COX6A1: variants seen among roughly 807,000 people sequenced by gnomAD.
COX6A1 encodes cytochrome c oxidase subunit 6A1, mitochondrial.
Under a neutral mutation model 11.3 loss-of-function variants are expected in COX6A1, and 10 were observed. The observed-to-expected ratio is 0.88, with a 90% CI of 0.54 to 1.50. COX6A1 has a LOEUF of 1.50. COX6A1 is among the 40% of genes most tolerant of loss of function. The pLI, the probability that COX6A1 is intolerant of heterozygous loss-of-function variation, is 0.00. For synonymous variants in COX6A1, 81 were observed against 60.6 expected (o/e 1.34, Z -1.57); for missense variants, 149 against 147.6 (o/e 1.01, Z -0.05).
intron 1 of COX6A1, 29 bp from the exon 2 acceptor site, chr12:120,438,350 G>A: frequency 6.2e-7 from 1 of 1,614,140 alleles, no homozygotes; most frequent in Non-Finnish European, 8.5e-7. Context: ...GCCCCATACC[G>A]GCGCTGAACG....
chr12:120,438,924 GC>G (rs1187250183), intron 2 of COX6A1: 7 of 186,854 alleles, frequency 3.7e-5, no homozygotes, highest in Non-Finnish European at 5.6e-5. Flanking sequence ...GAACCCAGCA[GC>G]TACATGGGAG....
Position 120,440,550 on chromosome 12 carries a change from C to G in COX6A1, c.*13C>G, listed in dbSNP as rs763350351. 1 of 1,581,952 alleles carries G rather than the reference C, an allele frequency of 6.3e-7. No homozygotes were observed. The highest frequency in any genetic ancestry group is 8.7e-7 in the Non-Finnish European group (1 of 1,150,934). ...CGAAGATGAATAAAGAGAATCTGGA[C>G]CACTACCCGGGCACCAGGGACCACA... is the stretch of plus-strand genomic sequence containing the variant. On this transcript the variant is annotated 3_prime_UTR_variant, in exon 3 of 3. Transcript: ENST00000229379.
At chr12:120,438,562 C>T (rs993852017) in intron 2 of COX6A1, 41 bp downstream of exon 2, 13 of 1,613,980 alleles carry the variant, frequency 8.1e-6, no homozygotes, top group Admixed American at 3.3e-5. Flanking sequence ...GTTCTCTTTT[C>T]GTTATGTGTG....
chr12:120,438,346 T>C, intron 1 of COX6A1, 33 bp from the exon 2 acceptor site: 1 of 1,614,182 alleles, frequency 6.2e-7, no homozygotes, highest in African/African-American at 1.3e-5. Flanking sequence ...GCCCGCCCCA[T>C]ACCGGCGCTG....
chr12:120,438,539 T>A lies in COX6A1; in HGVS notation c.246+18T>A. 6.2e-7 allele frequency: 1 copy of A among 1,614,194 alleles called. No homozygotes were observed. The highest frequency in any genetic ancestry group is 8.5e-7 in the Non-Finnish European group (1 of 1,180,016). Reference sequence around the variant, plus strand: ...GGACCAAGGTACGCCCTTGTACATCTCTTCAAGCGTCCGTTCTCTTTTCGT... The same window carrying A: ...GGACCAAGGTACGCCCTTGTACATCACTTCAAGCGTCCGTTCTCTTTTCGT... On this transcript the variant is annotated intron_variant, in intron 2 of 2. Transcript: ENST00000229379.
In COX6A1 at chr12:120,438,517, C is replaced by T; in HGVS notation, c.242C>T (p.Thr81Ile). 2 of 1,614,228 alleles carry T rather than the reference C, an allele frequency of 1.2e-6. No individual in the cohort carries two copies. The highest frequency in any genetic ancestry group is 1.7e-6 in the Non-Finnish European group (2 of 1,180,040). The change falls in exon 2 of 3, where the codon ACC becomes ATC. Residue 81 changes from threonine to isoleucine, a missense_variant. Coordinates refer to ENST00000229379, the MANE Select transcript of COX6A1 (RefSeq NM_004373.4). ...FIAYPHLRIRTKPFPWGDGNH... is the reference protein window; with the variant it reads ...FIAYPHLRIRIKPFPWGDGNH... ...GCCTACCCCCATCTCCGCATCAGGA[C>T]CAAGGTACGCCCTTGTACATCTCTT... is the stretch of plus-strand genomic sequence containing the variant.
chr12:120,438,788 CTTT>C (rs376239130), intron 2 of COX6A1: 3,713 of 119,002 alleles, frequency 0.031, no homozygotes, highest in South Asian at 0.065. Flanking sequence ...TGAGACAGTT[CTTT>C]TTTTTTTTTT....
chr12:120,439,360 C>T (rs1025790802), intron 2 of COX6A1, among the ~76,000 whole-genome samples: 2 of 152,004 alleles, frequency 1.3e-5, no homozygotes, highest in Non-Finnish European at 2.9e-5. Context: ...AACACTATCT[C>T]TACTAAAAGT....
At chr12:120,438,546 G>A (rs765513127) in intron 2 of COX6A1, 25 bp downstream of exon 2, 5 of 1,614,158 alleles carry the variant, frequency 3.1e-6, no homozygotes, top group Non-Finnish European at 4.2e-6. Flanking sequence ...ATCTCTTCAA[G>A]CGTCCGTTCT....
intron 2 of COX6A1, chr12:120,438,726 A>G (rs754377698): frequency 3.7e-5 from 23 of 627,312 alleles, no homozygotes; most frequent in Middle Eastern, 7.4e-4. Flanking sequence ...AGGTCATACA[A>G]TAAGTGCTCT....
In COX6A1 at chr12:120,439,605, A is replaced by AT. The variant is rs1473273378; in HGVS notation, c.247-847dup. ...AGTGATGAAAAAAGTTATTATTATT[A>AT]TTATTATTATTACATCACCTAGCCC... On this transcript the variant is annotated intron_variant, in intron 2 of 2. Transcript: ENST00000229379. Among the ~76,000 whole-genome samples, 10 of 152,214 alleles carry AT rather than the reference A, an allele frequency of 6.6e-5. No homozygotes were observed. In the South Asian group the frequency reaches 1.2e-3, roughly 19 times the overall value.
rs568707652 is a variant in COX6A1, at chr12:120,439,593, G to GTTA, written c.247-839_247-837dup. Reference sequence around the variant, plus strand: ...AAAAGGCCGAGAAGTGATGAAAAAAGTTATTATTATTATTATTATTATTAC... The same window carrying GTTA: ...AAAAGGCCGAGAAGTGATGAAAAAAGTTATTATTATTATTATTATTATTATTAC... On this transcript the variant is annotated intron_variant, in intron 2 of 2. Coordinates refer to ENST00000229379, the MANE Select transcript of COX6A1 (RefSeq NM_004373.4). 6.6e-3 allele frequency among the ~76,000 whole-genome samples: 997 copies of GTTA among 151,178 alleles called. 10 individuals are homozygous for GTTA. Among genetic ancestry groups the GTTA allele is most frequent in the African/African-American group, 0.015 (614 of 41,228 alleles).
At chr12:120,438,932 GGA>G (rs1418680740) in intron 2 of COX6A1, 2 of 184,822 alleles carry the variant, frequency 1.1e-5, no homozygotes, top group Non-Finnish European at 2.3e-5. Context: ...CAGCTACATG[GGA>G]GGCTGAAGCA....
intron 2 of COX6A1, chr12:120,440,189 A>G: frequency 2.8e-6 from 1 of 356,610 alleles, no homozygotes; most frequent in Non-Finnish European, 5.3e-6. Flanking sequence ...GAGGATGATG[A>G]GTAACTAACT....
At chr12:120,438,668 G>A in intron 2 of COX6A1, 147 bp downstream of exon 2, 12 of 1,108,740 alleles carry the variant, frequency 1.1e-5, no homozygotes, top group Non-Finnish European at 1.3e-5. Flanking sequence ...CTTCCATTTT[G>A]TGGATGGACA....
Position 120,440,491 on chromosome 12 carries a change from A to G in COX6A1, c.284A>G (p.His95Arg). Residue 95 changes from histidine (H) to arginine (R), a missense_variant, in exon 3 of 3, where the codon CAT (histidine) becomes CGT (arginine). Coordinates refer to ENST00000229379, the MANE Select transcript of COX6A1 (RefSeq NM_004373.4). ...PWGDGNHTLF[H>R]NPHVNPLPTG... ...GGAGATGGTAACCATACTCTATTCC[A>G]TAACCCTCATGTGAATCCACTTCCA... The G allele has an allele frequency of 1.9e-6, 3 of 1,613,506 alleles. No homozygotes were observed. Among genetic ancestry groups the G allele is most frequent in the East Asian group, 2.2e-5 (1 of 44,882 alleles).
chr12:120,439,457 A>T (rs534405973), intron 2 of COX6A1, among the ~76,000 whole-genome samples: 1 of 152,222 alleles, frequency 6.6e-6, no homozygotes, highest in South Asian at 2.1e-4. Context: ...GGTTGAACCC[A>T]GGAGGAGGAG....
Position 120,438,150 on chromosome 12 carries a change from G to C in COX6A1, c.24G>C (p.Ser8=), listed in dbSNP as rs752358822. The C allele has an allele frequency of 1.2e-6, 2 of 1,613,588 alleles. No homozygotes were observed. Residue 8 remains serine (S), a synonymous_variant, in exon 1 of 3, where the codon TCG becomes TCC. Coordinates refer to ENST00000229379, the MANE Select transcript of COX6A1 (RefSeq NM_004373.4). ...AAATGGCGGTAGTTGGTGTGTCCTC[G>C]GTTTCTCGGCTGCTGGGTCGGTCCC... The part of the protein sequence containing the change: MAVVGVS[S]VSRLLGRSRP...
At position 120,438,464 on chromosome 12, in the gene COX6A1, C is replaced by T. The variant is rs1287835193; in HGVS notation, c.189C>T (p.His63=). 1.1e-5 allele frequency: 17 copies of T among 1,614,088 alleles called. No individual in the cohort carries two copies. Among genetic ancestry groups the T allele is most frequent in the Non-Finnish European group, 1.3e-5 (15 of 1,180,046 alleles). ...TGAATGTGTACCTGAAGTCGCACCA[C>T]GGAGAGCACGAGAGACCCGAGTTCA... ...SMLNVYLKSH[H]GEHERPEFIA... is the part of the protein sequence containing the mutation. Residue 63 remains histidine, a synonymous_variant, in exon 2 of 3, where the codon CAC becomes CAT. Coordinates refer to ENST00000229379, the MANE Select transcript of COX6A1 (RefSeq NM_004373.4).
Sources: allele counts gnomAD v4.1 joint callset (sites outside exome capture counted in the v4.1 genomes callset), GRCh38; gene constraint gnomAD v4.1.1; transcripts MANE v1.5; gene names NCBI Gene and HGNC (gene_info 2026-07-23, HGNC 2026-07-21).